Variants in FLI1 observed in about 807,000 individuals in gnomAD.
FLI1 encodes Fli-1 proto-oncogene, ETS transcription factor, also known as Friend leukemia integration 1 transcription factor.
FLI1 carries 13 observed loss-of-function variants against 53.1 expected under a neutral mutation model. The observed-to-expected ratio is 0.24, with a 90% confidence interval of 0.16 to 0.39. FLI1 has a LOEUF of 0.39. Among genes scored for constraint, FLI1 ranks in the 10% least tolerant of loss-of-function variants. FLI1 has a pLI of 1.00. For synonymous variants in FLI1, 244 were observed against 236.7 expected (o/e 1.03, Z -0.28); for missense variants, 424 against 600.5 (o/e 0.71, Z 3.07).
intron 1 of FLI1, among the ~76,000 whole-genome samples, chr11:128,749,260 C>T (rs923160819): frequency 6.6e-5 from 10 of 152,306 alleles, no homozygotes; most frequent in East Asian, 3.9e-4. Context: ...TGCTCGGAGA[C>T]GTTCCGGTTA....
intron 2 of FLI1, among the ~76,000 whole-genome samples, chr11:128,761,627 G>A (rs1209621911): frequency 1.3e-5 from 2 of 152,098 alleles, no homozygotes; most frequent in African/African-American, 2.4e-5. Flanking sequence ...TCTCTGGTGG[G>A]AAGGAAGTAT....
chr11:128,778,681 C>G (rs1203086267), intron 4 of FLI1, among the ~76,000 whole-genome samples: 1 of 152,228 alleles, frequency 6.6e-6, no homozygotes, highest in Non-Finnish European at 1.5e-5. Context: ...GTTCAGGGAG[C>G]ACTGCGTCCC....
intron 1 of FLI1, among the ~76,000 whole-genome samples, chr11:128,738,023 C>T (rs1217485887): frequency 6.6e-6 from 1 of 152,180 alleles, no homozygotes; most frequent in Non-Finnish European, 1.5e-5. Context: ...CGAGGTTCTA[C>T]CATTGTTTGA....
At chr11:128,734,934 T>C (rs1379701866) in intron 1 of FLI1, among the ~76,000 whole-genome samples, 2 of 152,166 alleles carry the variant, frequency 1.3e-5, no homozygotes, top group African/African-American at 4.8e-5. Context: ...TGCTGTAGTG[T>C]TTGTGGGCAA....
chr11:128,738,337 T>C (rs776088831), intron 1 of FLI1, among the ~76,000 whole-genome samples: 1 of 152,206 alleles, frequency 6.6e-6, no homozygotes, highest in Non-Finnish European at 1.5e-5. Context: ...AAATAAGATA[T>C]AAACAATGCC....
intron 2 of FLI1, among the ~76,000 whole-genome samples, chr11:128,764,238 A>C (rs1213431556): frequency 1.3e-5 from 2 of 152,240 alleles, no homozygotes; most frequent in East Asian, 3.8e-4. Context: ...AAGATCTTAC[A>C]CCTTGTTTTA....
intron 1 of FLI1, among the ~76,000 whole-genome samples, chr11:128,733,490 G>T (rs1157791038): frequency 1.3e-5 from 2 of 152,146 alleles, no homozygotes; most frequent in Non-Finnish European, 2.9e-5. Flanking sequence ...TTAGAACCTG[G>T]CTGATGCTGA....
At chr11:128,709,737 C>G (rs914632324) in intron 1 of FLI1, among the ~76,000 whole-genome samples, 1 of 152,178 alleles carries the variant, frequency 6.6e-6, no homozygotes, top group Admixed American at 6.5e-5. Context: ...TTAAAACATC[C>G]GTCTGGCTGA....
At chr11:128,689,068 G>A (rs1937640894), upstream of FLI1, among the ~76,000 whole-genome samples, 1 of 152,146 alleles carries the variant, frequency 6.6e-6, no homozygotes, top group Admixed American at 6.5e-5. Flanking sequence ...TTTGAGATAA[G>A]TCCTATTATA....
At chr11:128,699,668 A>G (rs1349357045) in intron 1 of FLI1, among the ~76,000 whole-genome samples, 1 of 152,166 alleles carries the variant, frequency 6.6e-6, no homozygotes, top group Non-Finnish European at 1.5e-5. Context: ...TCATTAAGTG[A>G]TGTCACTCTT....
chr11:128,764,234 T>G (rs944964244), intron 2 of FLI1, among the ~76,000 whole-genome samples: 1 of 152,188 alleles, frequency 6.6e-6, no homozygotes, highest in Non-Finnish European at 1.5e-5. Flanking sequence ...ACCCAAGATC[T>G]TACACCTTGT....
At chr11:128,719,745 G>T (rs1939178335) in intron 1 of FLI1, among the ~76,000 whole-genome samples, 1 of 152,168 alleles carries the variant, frequency 6.6e-6, no homozygotes, top group Non-Finnish European at 1.5e-5. Flanking sequence ...TGCTCCAGCA[G>T]CATGGAGTCA....
At chr11:128,743,890 C>T (rs558889931) in intron 1 of FLI1, among the ~76,000 whole-genome samples, 2 of 152,144 alleles carry the variant, frequency 1.3e-5, no homozygotes, top group African/African-American at 2.4e-5. Flanking sequence ...AGATGGATGC[C>T]GGGAGACAGG....
At chr11:128,808,914 A>G (rs906914768) in intron 7 of FLI1, among the ~76,000 whole-genome samples, 1 of 152,202 alleles carries the variant, frequency 6.6e-6, no homozygotes, top group Admixed American at 6.5e-5. Flanking sequence ...CACATTTTAG[A>G]TGCCAAAATA....
At chr11:128,790,095 T>TGTGTGTGC (rs60797049) in intron 5 of FLI1, among the ~76,000 whole-genome samples, 1 of 150,614 alleles carries the variant, frequency 6.6e-6, no homozygotes, top group Non-Finnish European at 1.5e-5. Context: ...TGTGTGTGTG[T>TGTGTGTGC]GCACGCGTGC....
At chr11:128,766,990 T>G (rs1363056271) in intron 2 of FLI1, among the ~76,000 whole-genome samples, 1 of 123,278 alleles carries the variant, frequency 8.1e-6, no homozygotes, top group Non-Finnish European at 2.0e-5. Context: ...GTCCTGCTGC[T>G]GCTGGAGTGG....
chr11:128,764,858 A>G (rs1480977828), intron 2 of FLI1: 1 of 1,585,512 alleles, frequency 6.3e-7, no homozygotes, highest in Admixed American at 1.7e-5. Flanking sequence ...GAGCAGTGGG[A>G]GGAGGGCCAG....
intron 7 of FLI1, 101 bp from the exon 8 acceptor site, chr11:128,809,056 T>C: frequency 1.1e-6 from 1 of 872,842 alleles, no homozygotes; most frequent in East Asian, 2.5e-5. Flanking sequence ...TTTCCTGTGA[T>C]CTTGAAATAA....
intron 4 of FLI1, among the ~76,000 whole-genome samples, chr11:128,774,827 C>T (rs1023145368): frequency 3.3e-5 from 5 of 152,262 alleles, no homozygotes; most frequent in Non-Finnish European, 4.4e-5. Context: ...TTCCTGCCAC[C>T]GAACAATGGG....
Sources: allele counts gnomAD v4.1 joint callset (sites outside exome capture counted in the v4.1 genomes callset), GRCh38; gene constraint gnomAD v4.1.1; transcripts MANE v1.5; gene names NCBI Gene and HGNC (gene_info 2026-07-23, HGNC 2026-07-21).